The following ENTREP2 variants were observed in gnomAD, a reference collection of about 807,000 sequenced individuals.
ENTREP2 encodes protein ENTREP2.
chr15:29,653,852 G>A, the ENTREP2 span, among the ~76,000 whole-genome samples: 1 of 151,678 alleles, frequency 6.6e-6, no homozygotes, highest in Non-Finnish European at 1.5e-5. Flanking sequence ...GCTTACCAGG[G>A]CATTTTCCAT....
chr15:29,303,500 T>C, the ENTREP2 span, among the ~76,000 whole-genome samples: 6 of 152,178 alleles, frequency 3.9e-5, no homozygotes, highest in South Asian at 1.2e-3. Flanking sequence ...ACACATGTTA[T>C]AGGGGTACTT....
the ENTREP2 span, among the ~76,000 whole-genome samples, chr15:29,654,598 C>T: frequency 3.3e-5 from 5 of 152,148 alleles, no homozygotes; most frequent in Non-Finnish European, 7.3e-5. Flanking sequence ...TGCAAATCTA[C>T]TTGGAGGAAT....
At chr15:29,137,662 C>T in the ENTREP2 span, among the ~76,000 whole-genome samples, 3 of 152,264 alleles carry the variant, frequency 2.0e-5, no homozygotes, top group East Asian at 5.8e-4. Flanking sequence ...TGGCGAAACC[C>T]CGTCTCTACT....
At chr15:29,641,666 T>TA in the ENTREP2 span, among the ~76,000 whole-genome samples, 2 of 151,612 alleles carry the variant, frequency 1.3e-5, no homozygotes, top group Non-Finnish European at 2.9e-5. Flanking sequence ...ACCCTGTCTC[T>TA]AAAAAAAGCA....
chr15:29,312,378 T>C, the ENTREP2 span, among the ~76,000 whole-genome samples: 32,482 of 151,938 alleles, frequency 0.21, 6,709 homozygotes, highest in African/African-American at 0.55. Flanking sequence ...GCTGGTTGTA[T>C]AATAAATATA....
the ENTREP2 span, among the ~76,000 whole-genome samples, chr15:29,466,373 G>T: frequency 1.3e-5 from 2 of 152,186 alleles, no homozygotes; most frequent in African/African-American, 4.8e-5. Flanking sequence ...GGTAGACACT[G>T]CAGCCCCCAG....
At chr15:29,473,140 A>G in the ENTREP2 span, among the ~76,000 whole-genome samples, 1 of 152,114 alleles carries the variant, frequency 6.6e-6, no homozygotes, top group African/African-American at 2.4e-5. Flanking sequence ...CAGCAATCTC[A>G]CTTGGGAAAG....
chr15:29,290,563 G>A, the ENTREP2 span, among the ~76,000 whole-genome samples: 2 of 152,204 alleles, frequency 1.3e-5, no homozygotes, highest in African/African-American at 4.8e-5. Context: ...GGGAGAATGA[G>A]AATTTTGCCT....
At chr15:29,260,700 G>A in the ENTREP2 span, among the ~76,000 whole-genome samples, 1 of 152,106 alleles carries the variant, frequency 6.6e-6, no homozygotes, top group Non-Finnish European at 1.5e-5. Flanking sequence ...GGATACAGAC[G>A]AAATAAGATT....
chr15:29,618,665 T>C, the ENTREP2 span, among the ~76,000 whole-genome samples: 3 of 152,164 alleles, frequency 2.0e-5, no homozygotes, highest in Non-Finnish European at 2.9e-5. Context: ...TGATGATCAA[T>C]ATCATTCTTC....
the ENTREP2 span, chr15:29,570,522 A>AT: frequency 7.1e-7 from 1 of 1,415,910 alleles, no homozygotes; most frequent in Middle Eastern, 2.2e-4. Context: ...CCTGCCCAGA[A>AT]GGGGCAGGAG....
At chr15:29,169,318 T>A in the ENTREP2 span, among the ~76,000 whole-genome samples, 1 of 152,050 alleles carries the variant, frequency 6.6e-6, no homozygotes, top group African/African-American at 2.4e-5. Flanking sequence ...AAGAACATTT[T>A]GGGAAAAAAA....
At chr15:29,417,486 A>G in the ENTREP2 span, among the ~76,000 whole-genome samples, 1 of 152,090 alleles carries the variant, frequency 6.6e-6, no homozygotes, top group East Asian at 1.9e-4. Context: ...CACACCGGGG[A>G]CTGCTGTGGG....
At chr15:29,366,075 C>CTAT in the ENTREP2 span, among the ~76,000 whole-genome samples, 1 of 152,006 alleles carries the variant, frequency 6.6e-6, no homozygotes, top group African/African-American at 2.4e-5. Context: ...TATGTCATTA[C>CTAT]TATTATTATT....
the ENTREP2 span, among the ~76,000 whole-genome samples, chr15:29,506,232 A>C: frequency 6.6e-6 from 1 of 152,174 alleles, no homozygotes; most frequent in East Asian, 1.9e-4. Flanking sequence ...AAAAGGAGCA[A>C]AGCCTCCAAG....
the ENTREP2 span, among the ~76,000 whole-genome samples, chr15:29,258,888 G>C: frequency 6.6e-6 from 1 of 152,148 alleles, no homozygotes; most frequent in South Asian, 2.1e-4. Context: ...ATGTCTTCAA[G>C]GTTCATCCAT....
At chr15:29,255,708 G>C in the ENTREP2 span, among the ~76,000 whole-genome samples, 3 of 151,886 alleles carry the variant, frequency 2.0e-5, no homozygotes, top group African/African-American at 7.3e-5. Context: ...CCATAAAAAA[G>C]AACACAATCA....
the ENTREP2 span, among the ~76,000 whole-genome samples, chr15:29,481,432 C>T: frequency 1.3e-5 from 2 of 152,072 alleles, no homozygotes; most frequent in Non-Finnish European, 2.9e-5. Flanking sequence ...AAACAACCCT[C>T]CCGCTCTCAA....
At chr15:29,332,017 T>C in the ENTREP2 span, among the ~76,000 whole-genome samples, 3 of 152,240 alleles carry the variant, frequency 2.0e-5, no homozygotes, top group African/African-American at 7.2e-5. Context: ...CAGGATTAAC[T>C]GAATATAAAC....
Sources: allele counts gnomAD v4.1 joint callset (sites outside exome capture counted in the v4.1 genomes callset), GRCh38; gene constraint gnomAD v4.1.1; transcripts MANE v1.5; gene names NCBI Gene and HGNC (gene_info 2026-07-23, HGNC 2026-07-21).